The following HADH variants were observed in gnomAD, a reference collection of about 807,000 sequenced individuals.
HADH encodes hydroxyacyl-coenzyme A dehydrogenase, mitochondrial.
HADH carries 24 observed loss-of-function variants against 32.2 expected under a neutral mutation model. The observed-to-expected ratio is 0.75, with a 90% CI of 0.54 to 1.05. The LOEUF is 1.05. HADH is among the 50% of genes least tolerant of loss of function. The probability of loss-of-function intolerance (pLI) is 0.00; values close to 1 mark genes in which losing one functional copy is unlikely to be tolerated. For missense variants in HADH, 350 were observed against 397.1 expected, an observed-to-expected ratio of 0.88 and a Z score of 1.01; for synonymous variants, 139 against 152.5, an observed-to-expected ratio of 0.91 and a Z score of 0.65.
At chr4:108,014,363 G>A (rs778231089) in intron 2 of HADH, 68 bp from the exon 3 acceptor site, 48 of 1,584,698 alleles carry the variant, frequency 3.0e-5, no homozygotes, top group Non-Finnish European at 3.8e-5. Context: ...CTGGAGCAGA[G>A]CTAAGAACTT....
intron 4 of HADH, among the ~76,000 whole-genome samples, chr4:108,022,203 G>GTA (rs1335397667): frequency 1.6e-5 from 2 of 125,754 alleles, no homozygotes; most frequent in African/African-American, 6.8e-5. Context: ...GTGTGTGTAT[G>GTA]TGTGTGTGTG....
chr4:107,997,221 C>CAG (rs1734982517), intron 1 of HADH, among the ~76,000 whole-genome samples: 1 of 152,164 alleles, frequency 6.6e-6, no homozygotes, highest in African/African-American at 2.4e-5. Context: ...TGAAGAAAGT[C>CAG]AGAAATCATG....
At chr4:108,014,356 G>T (rs1046309868) in intron 2 of HADH, 75 bp from the exon 3 acceptor site, 1 of 1,562,408 alleles carries the variant, frequency 6.4e-7, no homozygotes, top group Non-Finnish European at 8.8e-7. Context: ...TTGCTAACTG[G>T]AGCAGAGCTA....
At chr4:108,001,600 C>A (rs753163787) in intron 1 of HADH, among the ~76,000 whole-genome samples, 17 of 152,208 alleles carry the variant, frequency 1.1e-4, no homozygotes, top group Non-Finnish European at 4.4e-5. Flanking sequence ...TTCCTAGACC[C>A]TCAGTGGATG....
At chr4:108,013,108 T>C (rs111381695) in intron 2 of HADH, among the ~76,000 whole-genome samples, 1 of 152,228 alleles carries the variant, frequency 6.6e-6, no homozygotes, top group Non-Finnish European at 1.5e-5. Flanking sequence ...AATTTTTGTA[T>C]TTTTAGTGGA....
chr4:108,003,449 A>G (rs776556713), intron 1 of HADH, among the ~76,000 whole-genome samples: 1 of 152,298 alleles, frequency 6.6e-6, no homozygotes, highest in South Asian at 2.1e-4. Flanking sequence ...TTTGAAGAGG[A>G]CACATTCAAA....
chr4:108,010,735 A>G (rs1364963849), intron 2 of HADH, among the ~76,000 whole-genome samples: 1 of 152,046 alleles, frequency 6.6e-6, no homozygotes, highest in East Asian at 1.9e-4. Context: ...ACACTCGCAC[A>G]TTCATACTTC....
At chr4:108,005,048 TC>T (rs199897978) in intron 1 of HADH, 46 of 595,454 alleles carry the variant, frequency 7.7e-5, no homozygotes, top group Non-Finnish European at 9.5e-5. Context: ...CTTCTTTTTT[TC>T]TTTCTTTCTT....
chr4:108,014,653 A>AT, intron 3 of HADH, 65 bp downstream of exon 3: 8 of 1,430,740 alleles, frequency 5.6e-6, no homozygotes, highest in Non-Finnish European at 7.7e-6. Context: ...TTTCATTTTT[A>AT]TTTTTTGTTT....
At chr4:108,032,998 T>C in intron 6 of HADH, 178 bp from the exon 7 acceptor site, 1 of 654,004 alleles carries the variant, frequency 1.5e-6, no homozygotes, top group Admixed American at 2.4e-5. Context: ...AACAAAGTCT[T>C]ATGACCTCTT....
intron 5 of HADH, chr4:108,027,271 ATTT>A (rs1736098627): frequency 3.0e-6 from 1 of 334,904 alleles, no homozygotes; most frequent in Non-Finnish European, 5.8e-6. Flanking sequence ...TGTGTACAGC[ATTT>A]TATGTGTTTT....
At chr4:108,008,954 C>G (rs901862375) in intron 1 of HADH, among the ~76,000 whole-genome samples, 1 of 152,186 alleles carries the variant, frequency 6.6e-6, no homozygotes, top group Non-Finnish European at 1.5e-5. Flanking sequence ...TTGTCACTCA[C>G]TGTGACTAAG....
In HADH at chr4:108,034,815, A is replaced by C; in HGVS notation, c.*458A>C. ...CGAGCAGCACCTGGATCTTGCCTTT[A>C]TAAGAACATTTTACTACCTGCAGCT... On this transcript the variant is annotated 3_prime_UTR_variant, in exon 8 of 8. Transcript: ENST00000309522. 1 of 275,578 alleles carries C rather than the reference A, an allele frequency of 3.6e-6. No individual in the cohort carries two copies. The highest frequency in any genetic ancestry group is 4.1e-5 in the South Asian group (1 of 24,528). 17.1% of individuals were successfully genotyped at this position (275,578 alleles called of 1,614,324 possible).
intron 1 of HADH, among the ~76,000 whole-genome samples, chr4:108,000,710 G>A (rs1483970339): frequency 2.6e-5 from 4 of 152,182 alleles, no homozygotes; most frequent in African/African-American, 7.2e-5. Context: ...ATTATGAAGG[G>A]TAAGTTGAAG....
At chr4:108,022,201 A>G (rs62311431) in intron 4 of HADH, among the ~76,000 whole-genome samples, 98,414 of 139,280 alleles carry the variant, frequency 0.71, 35,574 homozygotes, top group East Asian at 0.85. Flanking sequence ...GTGTGTGTGT[A>G]TGTGTGTGTG....
At chr4:108,012,495 G>A (rs755483109) in intron 2 of HADH, among the ~76,000 whole-genome samples, 2 of 152,146 alleles carry the variant, frequency 1.3e-5, no homozygotes, top group African/African-American at 2.4e-5. Flanking sequence ...CCATCTTACT[G>A]CTGTGTCCGG....
chr4:108,032,124 C>A, intron 6 of HADH: 1 of 263,020 alleles, frequency 3.8e-6, no homozygotes, highest in Non-Finnish European at 6.7e-6. Flanking sequence ...AACATTTTTC[C>A]CTCTTTTCTT....
chr4:108,012,522 C>T (rs968171003), intron 2 of HADH, among the ~76,000 whole-genome samples: 15 of 152,154 alleles, frequency 9.9e-5, no homozygotes, highest in East Asian at 7.7e-4. Flanking sequence ...TTGGCTGGGA[C>T]GGGACTTCAC....
At chr4:107,995,618 A>G (rs534112265) in intron 1 of HADH, among the ~76,000 whole-genome samples, 1 of 152,174 alleles carries the variant, frequency 6.6e-6, no homozygotes, top group Non-Finnish European at 1.5e-5. Context: ...ATTCTGTTCA[A>G]AGAATTTTGA....
Sources: allele counts gnomAD v4.1 joint callset (sites outside exome capture counted in the v4.1 genomes callset), GRCh38; gene constraint gnomAD v4.1.1; transcripts MANE v1.5; gene names NCBI Gene and HGNC (gene_info 2026-07-23, HGNC 2026-07-21).